PDXDC1: variants seen among roughly 807,000 people sequenced by gnomAD.
PDXDC1 encodes pyridoxal-dependent decarboxylase domain-containing protein 1.
A neutral mutation model predicts 100.1 loss-of-function variants in PDXDC1; 42 were observed. That is an observed-to-expected ratio of 0.42 (90% CI 0.33 to 0.54). The LOEUF (loss-of-function observed/expected upper bound fraction) is 0.54, where lower values mean the gene tolerates loss of function less well. PDXDC1 is among the 20% of genes least tolerant of loss of function. The pLI, the probability that PDXDC1 is intolerant of heterozygous loss-of-function variation, is 0.10. For synonymous variants in PDXDC1, 260 were observed against 371.7 expected, an observed-to-expected ratio of 0.70 and a Z score of 3.46; for missense variants, 636 against 979.2, an observed-to-expected ratio of 0.65 and a Z score of 4.68.
Position 15,073,209 on chromosome 16 carries a change from C to T in PDXDC1, c.1399+43153C>T, listed in dbSNP as rs533325879. On this transcript the variant is annotated intron_variant, in intron 16 of 16. Transcript: ENST00000535621. ...AGCCAAGCACAGTGGCTCCTGCCTG[C>T]AATCCCAGCACTTTGGGAGGCCAAA... is the stretch of plus-strand genomic sequence containing the variant. 1.9e-5 allele frequency: 20 copies of T among 1,050,584 alleles called. No homozygotes were observed. The South Asian group carries it at 2.6e-4, about 13-fold the overall frequency. 65.1% of individuals were successfully genotyped at this position (1,050,584 alleles called of 1,614,324 possible). A position where few individuals can be genotyped will look rare whatever the true frequency, so the allele number is the denominator to read the frequency against.
intron 1 of PDXDC1, among the ~76,000 whole-genome samples, chr16:14,997,434 G>A (rs997219318): frequency 3.9e-5 from 6 of 152,282 alleles, no homozygotes; most frequent in African/African-American, 1.4e-4. Context: ...CAGCTACTTG[G>A]GAGGCTGAGG....
chr16:15,147,503 C>T, the PDXDC1 span, among the ~76,000 whole-genome samples: 25 of 152,174 alleles, frequency 1.6e-4, 1 homozygote, highest in Admixed American at 1.5e-3. Flanking sequence ...GCGTGGCCAC[C>T]GCGGGGAGAG....
chr16:15,083,944 G>C (rs566718901), intron 16 of PDXDC1, among the ~76,000 whole-genome samples: 1 of 152,096 alleles, frequency 6.6e-6, no homozygotes, highest in Non-Finnish European at 1.5e-5. Context: ...TCGAACTCCC[G>C]ACCTCAGGTG....
intron 1 of PDXDC1, chr16:14,989,790 G>A (rs1422719286): frequency 1.7e-5 from 27 of 1,543,560 alleles, no homozygotes; most frequent in East Asian, 1.5e-4. Flanking sequence ...CTGCACGAAG[G>A]GCACAAAGTC....
At chr16:15,034,226 C>A in intron 19 of PDXDC1, 60 bp from the exon 20 acceptor site, 2 of 1,446,190 alleles carry the variant, frequency 1.4e-6, no homozygotes, top group Non-Finnish European at 1.9e-6. Context: ...GTGTTACTAG[C>A]TCTTCTGGGC....
intron 1 of PDXDC1, among the ~76,000 whole-genome samples, chr16:14,994,582 C>T (rs377651221): frequency 3.2e-3 from 484 of 152,200 alleles, no homozygotes; most frequent in African/African-American, 8.7e-3. Context: ...ATGATGCCTC[C>T]GGCTTTGTTT....
intron 16 of PDXDC1, among the ~76,000 whole-genome samples, chr16:15,089,552 G>T (rs1398895689): frequency 1.3e-5 from 2 of 152,130 alleles, no homozygotes; most frequent in Non-Finnish European, 2.9e-5. Flanking sequence ...TCTAATCCCA[G>T]CACTTTGGGA....
At chr16:15,146,741 C>A in the PDXDC1 span, among the ~76,000 whole-genome samples, 1 of 152,092 alleles carries the variant, frequency 6.6e-6, no homozygotes, top group Non-Finnish European at 1.5e-5. Flanking sequence ...TGTGGCAGGG[C>A]AGGTCTCACA....
At position 15,001,624 on chromosome 16, in the gene PDXDC1, G is replaced by A. The variant is rs1973171117; in HGVS notation, c.162-152G>A. On this transcript the variant is annotated intron_variant, in intron 3 of 22. Transcript: ENST00000396410. ...TAATTTGAGCTTTGTTTTTTAAAAA[G>A]CATAAACTATATACCACGTTCTTTC... 5.9e-6 allele frequency: 3 copies of A among 510,968 alleles called. No homozygotes were observed. The South Asian group carries it at 1.4e-4, about 24-fold the overall frequency. 31.7% of individuals were successfully genotyped at this position (510,968 alleles called of 1,614,324 possible).
intron 16 of PDXDC1, chr16:15,076,567 C>T (rs1043104328): frequency 3.7e-6 from 6 of 1,609,482 alleles, no homozygotes; most frequent in Non-Finnish European, 5.1e-6. Context: ...CCATATTAAA[C>T]AATCCTTCCG....
intron 16 of PDXDC1, among the ~76,000 whole-genome samples, chr16:15,050,652 C>T (rs1189891534): frequency 1.3e-5 from 2 of 151,700 alleles, no homozygotes; most frequent in Admixed American, 1.3e-4. Context: ...GGATCACTTG[C>T]AGCCAGGAGG....
chr16:15,024,472 T>A lies in PDXDC1; in HGVS notation c.1140+1718T>A, dbSNP rs375741833. ...CCCAGACTGGAGTGCAGTGGTGCGATCTTGGCTCACTCTAACCTCCGCCTC... is the reference window on the plus strand; with the variant it reads ...CCCAGACTGGAGTGCAGTGGTGCGAACTTGGCTCACTCTAACCTCCGCCTC... On this transcript the variant is annotated intron_variant, in intron 13 of 22. Coordinates refer to ENST00000396410, the MANE Select transcript of PDXDC1 (RefSeq NM_015027.4). Among the ~76,000 whole-genome samples, 4 of 150,552 alleles carry A rather than the reference T, an allele frequency of 2.7e-5. No homozygotes were observed. The East Asian group carries it at 6.0e-4, about 23-fold the overall frequency.
rs747941189 is a variant in PDXDC1, at chr16:15,033,323, C to T, written c.1736C>T (p.Ala579Val). ...AAGAGCTGCCTTTATGTCGGCATGG[C>T]GAGCGACAACGTCGATGCTGCTGAG... ...SMKSCLYVGM[A>V]SDNVDAAELV... is the part of the protein sequence containing the mutation. Residue 579 changes from alanine (A) to valine (V), a missense_variant, in exon 19 of 23, where the codon GCG becomes GTG. By Grantham distance (64) the Ala-to-Val change is moderately conservative. Coordinates refer to ENST00000396410, the MANE Select transcript of PDXDC1 (RefSeq NM_015027.4). 63 of 1,613,936 alleles carry T rather than the reference C, an allele frequency of 3.9e-5. No individual in the cohort carries two copies. Among genetic ancestry groups the T allele is most frequent in the African/African-American group, 8.0e-5 (6 of 74,918 alleles).
the PDXDC1 span, among the ~76,000 whole-genome samples, chr16:15,148,370 A>ATTTTTTTTTT: frequency 2.7e-3 from 92 of 34,124 alleles, 24 homozygotes; most frequent in African/African-American, 8.9e-3. Flanking sequence ...AGATCCTGTG[A>ATTTTTTTTTT]TTTTTTTTTT....
chr16:15,014,118 A>G (rs2041588121), intron 8 of PDXDC1, among the ~76,000 whole-genome samples: 1 of 152,118 alleles, frequency 6.6e-6, no homozygotes, highest in African/African-American at 2.4e-5. Context: ...GAGGCAGGAG[A>G]ATAGCTTGAA....
At chr16:14,976,338 C>T (rs536430371) in intron 1 of PDXDC1, among the ~76,000 whole-genome samples, 17 of 152,386 alleles carry the variant, frequency 1.1e-4, no homozygotes, top group African/African-American at 4.1e-4. Context: ...TTTTTCAAGG[C>T]AGCAGCTGCT....
chr16:15,047,047 T>A (rs2044100739), intron 16 of PDXDC1, among the ~76,000 whole-genome samples: 2 of 152,144 alleles, frequency 1.3e-5, no homozygotes, highest in Non-Finnish European at 2.9e-5. Context: ...CTGTCTACTC[T>A]TCACTGCTGT....
At chr16:15,050,015 T>C (rs1406510814) in intron 16 of PDXDC1, among the ~76,000 whole-genome samples, 1 of 152,118 alleles carries the variant, frequency 6.6e-6, no homozygotes, top group African/African-American at 2.4e-5. Context: ...AAAGCAAACA[T>C]GAGTGATTTC....
At chr16:15,013,958 G>A (rs1416921910) in intron 8 of PDXDC1, among the ~76,000 whole-genome samples, 1 of 151,920 alleles carries the variant, frequency 6.6e-6, no homozygotes, top group African/African-American at 2.4e-5. Flanking sequence ...TGTAATTCCA[G>A]CACTTTGAGA....
Sources: gnomAD v4.1 joint callset for allele counts (sites outside exome capture counted in the v4.1 genomes callset) on GRCh38, gnomAD v4.1.1 for gene constraint, MANE v1.5 for transcripts, NCBI Gene and HGNC (gene_info 2026-07-23, HGNC 2026-07-21) for gene names.